The following MANBA variants were observed in gnomAD, a reference collection of about 807,000 sequenced individuals.
MANBA encodes the protein beta-mannosidase.
A neutral mutation model predicts 111.1 loss-of-function variants in MANBA; 83 were observed. The ratio of observed to expected loss-of-function variants is 0.75; its 90% confidence interval spans 0.63 to 0.90. MANBA has a LOEUF of 0.90. Ranked by LOEUF, MANBA falls within the 40% of genes least tolerant of loss-of-function variation. The probability of loss-of-function intolerance (pLI) is 0.00; values close to 1 mark genes in which losing one functional copy is unlikely to be tolerated. For synonymous variants in MANBA, 370 were observed against 378.7 expected (o/e 0.98, Z 0.27); for missense variants, 1,036 against 1,069.0 (o/e 0.97, Z 0.43).
At chr4:102,703,495 T>A (rs983830958) in intron 5 of MANBA, among the ~76,000 whole-genome samples, 41 of 152,110 alleles carry the variant, frequency 2.7e-4, no homozygotes, top group African/African-American at 9.4e-4. Context: ...AGCTACAAGA[T>A]TAGAAATTAC....
chr4:102,633,346 A>C (rs1207930626), intron 16 of MANBA: 1 of 398,590 alleles, frequency 2.5e-6, no homozygotes, highest in Non-Finnish European at 4.4e-6. Flanking sequence ...GGGTAGCATC[A>C]GCTTCTGCTG....
At position 102,635,301 on chromosome 4, in the gene MANBA, G is replaced by A. The variant is rs184384289; in HGVS notation, c.2158-256C>T. Among the ~76,000 whole-genome samples the A allele has an allele frequency of 2.2e-3, 338 of 152,228 alleles. 5 individuals are homozygous for A. Among genetic ancestry groups the A allele is most frequent in the East Asian group, 7.7e-4 (4 of 5,176 alleles). Reference sequence around the variant, plus strand: ...TGTGAGAATTTAAAAAATAATCCACGGAAGGCACAGTACCTGGTGCGTTGT... The same window carrying A: ...TGTGAGAATTTAAAAAATAATCCACAGAAGGCACAGTACCTGGTGCGTTGT... On this transcript the variant is annotated intron_variant, in intron 15 of 16. Transcript: ENST00000647097.
chr4:102,635,055 A>C lies in MANBA; in HGVS notation c.2158-10T>G, dbSNP rs370224649. The C allele has an allele frequency of 3.1e-6, 5 of 1,613,628 alleles. No individual in the cohort carries two copies. The African/African-American group carries it at 6.7e-5, about 22-fold the overall frequency. ...ATGTATGGACTCTCACCTGGGGAGA[A>C]ATAAAACAGAATAAAAACAGGCATT... On this transcript the variant is annotated splice_polypyrimidine_tract_variant and intron_variant, in intron 15 of 16. Coordinates refer to ENST00000647097, the MANE Select transcript of MANBA (RefSeq NM_005908.4).
chr4:102,689,109 G>A (rs1732353544), intron 7 of MANBA, among the ~76,000 whole-genome samples: 1 of 152,072 alleles, frequency 6.6e-6, no homozygotes, highest in Non-Finnish European at 1.5e-5. Flanking sequence ...CAGCACTCTG[G>A]GAGGCCAAGG....
chr4:102,746,333 A>C (rs929017676), intron 1 of MANBA, among the ~76,000 whole-genome samples: 7 of 152,116 alleles, frequency 4.6e-5, no homozygotes, highest in Admixed American at 3.9e-4. Flanking sequence ...ACATGATAAG[A>C]GCTTGTGTCT....
At position 102,634,948 on chromosome 4, in the gene MANBA, T is replaced by A. The variant is rs771727511; in HGVS notation, c.2255A>T (p.Glu752Val). 2 of 1,614,172 alleles carry A rather than the reference T, an allele frequency of 1.2e-6. No individual in the cohort carries two copies. Among genetic ancestry groups the A allele is most frequent in the Admixed American group, 1.7e-5 (1 of 60,024 alleles). Residue 752 changes from glutamate to valine, a missense_variant, in exon 16 of 17, where the codon GAG becomes GTG. Coordinates refer to ENST00000647097, the MANE Select transcript of MANBA (RefSeq NM_005908.4). ...KGGEAVCLYE[E>V]PVSELLRRCG... ...TCTCCTCAGCAATTCAGACACTGGCTCCTCATAAAGGCAGACAGCCTCTCC... is the reference window on the plus strand; with the variant it reads ...TCTCCTCAGCAATTCAGACACTGGCACCTCATAAAGGCAGACAGCCTCTCC...
At chr4:102,725,871 C>T (rs2110195628) in intron 2 of MANBA, among the ~76,000 whole-genome samples, 1 of 152,074 alleles carries the variant, frequency 6.6e-6, no homozygotes. Flanking sequence ...TAGACATAGA[C>T]TGGAAAATGG....
intron 8 of MANBA, among the ~76,000 whole-genome samples, chr4:102,672,820 A>G (rs1731552350): frequency 6.6e-6 from 1 of 152,216 alleles, no homozygotes; most frequent in Non-Finnish European, 1.5e-5. Flanking sequence ...CTGAGGTAGA[A>G]CAGTTTCATT....
chr4:102,642,370 G>A (rs1490164570), intron 13 of MANBA, among the ~76,000 whole-genome samples: 1 of 152,172 alleles, frequency 6.6e-6, no homozygotes, highest in Non-Finnish European at 1.5e-5. Context: ...CACTTTGGGA[G>A]GCTGGGGTGG....
rs941610876 is a variant in MANBA, at chr4:102,722,926, G to T, written c.494C>A (p.Pro165Gln). ...SKAHTRYQVP[P>Q]DCPPLVQKGE... ...CTTCTGCACAAGTGGAGGGCAGTCTGGGGGAACCTGGTAGCGAGTGTGAGC... is the reference window on the plus strand; with the variant it reads ...CTTCTGCACAAGTGGAGGGCAGTCTTGGGGAACCTGGTAGCGAGTGTGAGC... Residue 165 changes from proline (P) to glutamine (Q), a missense_variant, in exon 4 of 17, where the codon CCA (proline) becomes CAA (glutamine). Coordinates refer to ENST00000647097, the MANE Select transcript of MANBA (RefSeq NM_005908.4). 7 of 1,614,004 alleles carry T rather than the reference G, an allele frequency of 4.3e-6. No homozygotes were observed. In the Admixed American group the frequency reaches 5.0e-5, roughly 12 times the overall value.
intron 13 of MANBA, among the ~76,000 whole-genome samples, chr4:102,640,794 C>A (rs939415661): frequency 6.6e-6 from 1 of 152,130 alleles, no homozygotes; most frequent in Non-Finnish European, 1.5e-5. Flanking sequence ...AAGGTAGAAC[C>A]TTTAAATAGA....
chr4:102,700,757 C>T (rs1277399127), intron 5 of MANBA, among the ~76,000 whole-genome samples: 1 of 152,040 alleles, frequency 6.6e-6, no homozygotes, highest in Non-Finnish European at 1.5e-5. Flanking sequence ...TCTACATTTG[C>T]TGAGGAGTGC....
chr4:102,712,403 A>T (rs148353677), intron 5 of MANBA, among the ~76,000 whole-genome samples: 1 of 152,336 alleles, frequency 6.6e-6, no homozygotes, highest in East Asian at 1.9e-4. Context: ...AAACCAGAGC[A>T]GTATTATTCA....
At chr4:102,679,440 C>T (rs72940753) in intron 7 of MANBA, among the ~76,000 whole-genome samples, 8,066 of 151,814 alleles carry the variant, frequency 0.053, 663 homozygotes, top group African/African-American at 0.18. Flanking sequence ...TGTATAATCA[C>T]GCCAGTTTTT....
At position 102,664,728 on chromosome 4, in the gene MANBA, T is replaced by C. The variant is rs764041854; in HGVS notation, c.1442A>G (p.Tyr481Cys). The C allele has an allele frequency of 3.7e-6, 6 of 1,613,488 alleles. No individual in the cohort carries two copies. Among genetic ancestry groups the C allele is most frequent in the Middle Eastern group, 1.6e-4 (1 of 6,062 alleles). ...FTDRPIYIKD[Y>C]VTLYVKNIRE... is the part of the protein sequence containing the mutation. ...GATGTTTTTCACATAGAGTGTCACA[T>C]AGTCCTTGATGTAGATTGGCCGGTC... Residue 481 changes from tyrosine (Y) to cysteine (C), a missense_variant, in exon 11 of 17, where the codon TAT becomes TGT. Physicochemically the swap from Tyr to Cys is radical, Grantham distance 194. Transcript: ENST00000647097.
intron 13 of MANBA, among the ~76,000 whole-genome samples, chr4:102,644,430 G>A (rs865834764): frequency 3.9e-5 from 6 of 152,144 alleles, no homozygotes; most frequent in East Asian, 3.9e-4. Context: ...AATAGAATAC[G>A]ATCCAGCCTT....
At chr4:102,727,329 TCA>T (rs1722848711) in intron 1 of MANBA, 1 of 674,370 alleles carries the variant, frequency 1.5e-6, no homozygotes, top group East Asian at 2.6e-5. Flanking sequence ...GATATAGTTC[TCA>T]GTTTTCCATT....
chr4:102,701,111 T>C (rs1286483585), intron 5 of MANBA, among the ~76,000 whole-genome samples: 1 of 152,204 alleles, frequency 6.6e-6, no homozygotes, highest in East Asian at 1.9e-4. Context: ...TACCATTATG[T>C]AATGGCCTTC....
chr4:102,747,531 A>G (rs561557317), intron 1 of MANBA, among the ~76,000 whole-genome samples: 67 of 152,314 alleles, frequency 4.4e-4, no homozygotes, highest in Non-Finnish European at 8.4e-4. Flanking sequence ...GTATCTTTCA[A>G]TCCAATCAAG....
Sources: allele counts gnomAD v4.1 joint callset (sites outside exome capture counted in the v4.1 genomes callset), GRCh38; gene constraint gnomAD v4.1.1; transcripts MANE v1.5; gene names NCBI Gene and HGNC (gene_info 2026-07-23, HGNC 2026-07-21).